LRRIQ3: variants seen among roughly 807,000 people sequenced by gnomAD.
LRRIQ3 encodes the protein leucine rich repeats and IQ motif containing 3.
LRRIQ3 carries 75 observed loss-of-function variants against 59.3 expected under a neutral mutation model. That is an observed-to-expected ratio of 1.26 (90% confidence interval 1.05 to 1.53). The LOEUF (loss-of-function observed/expected upper bound fraction) is 1.53. Among genes scored for constraint, LRRIQ3 ranks in the 40% most tolerant of loss-of-function variants. The pLI, the probability that LRRIQ3 is intolerant of heterozygous loss-of-function variation, is 0.00. For synonymous variants in LRRIQ3, 250 were observed against 231.3 expected, an observed-to-expected ratio of 1.08 and a Z score of -0.73; for missense variants, 831 against 710.0, an observed-to-expected ratio of 1.17 and a Z score of -1.94.
chr1:74,196,936 C>T (rs959745386), intron 1 of LRRIQ3, among the ~76,000 whole-genome samples: 1 of 152,142 alleles, frequency 6.6e-6, no homozygotes, highest in African/African-American at 2.4e-5. Flanking sequence ...ACTTCAAAAC[C>T]CTGCAATGGC....
At chr1:74,092,625 T>C (rs1277956861) in intron 5 of LRRIQ3, among the ~76,000 whole-genome samples, 1 of 152,044 alleles carries the variant, frequency 6.6e-6, no homozygotes, top group Non-Finnish European at 1.5e-5. Flanking sequence ...CTTGTAGCTT[T>C]TATTTAAGTC....
intron 4 of LRRIQ3, among the ~76,000 whole-genome samples, chr1:74,126,480 G>T (rs1468576682): frequency 6.6e-6 from 1 of 151,598 alleles, no homozygotes; most frequent in Non-Finnish European, 1.5e-5. Context: ...TCTGATATTG[G>T]TGCTTATAGC....
At chr1:74,174,005 C>T (rs1649485851) in intron 3 of LRRIQ3, among the ~76,000 whole-genome samples, 1 of 152,070 alleles carries the variant, frequency 6.6e-6, no homozygotes, top group African/African-American at 2.4e-5. Flanking sequence ...AAATTTCTTT[C>T]ATTTCTATCT....
chr1:74,119,288 A>T (rs1182804042), intron 4 of LRRIQ3, among the ~76,000 whole-genome samples: 1 of 152,066 alleles, frequency 6.6e-6, no homozygotes, highest in Non-Finnish European at 1.5e-5. Flanking sequence ...CATACTCTTG[A>T]ATATTAATGA....
intron 4 of LRRIQ3, among the ~76,000 whole-genome samples, chr1:74,121,166 G>T (rs548085704): frequency 6.6e-6 from 1 of 152,184 alleles, no homozygotes; most frequent in Admixed American, 6.6e-5. Context: ...TAGTGTCTTT[G>T]TCAATGTTCA....
chr1:74,154,221 A>C (rs1648166695), intron 4 of LRRIQ3, among the ~76,000 whole-genome samples: 1 of 128,590 alleles, frequency 7.8e-6, no homozygotes, highest in Admixed American at 9.8e-5. Flanking sequence ...AGCCTGGGCG[A>C]CAGAGCGAGA....
chr1:74,067,818 T>C (rs1028691059), intron 6 of LRRIQ3, among the ~76,000 whole-genome samples: 1 of 152,142 alleles, frequency 6.6e-6, no homozygotes, highest in Non-Finnish European at 1.5e-5. Flanking sequence ...AAAGACTTGT[T>C]AAATTTATTG....
chr1:74,066,517 A>G (rs1654871437), intron 6 of LRRIQ3, among the ~76,000 whole-genome samples: 1 of 134,414 alleles, frequency 7.4e-6, no homozygotes, highest in Non-Finnish European at 1.7e-5. Flanking sequence ...GTCTAATAAC[A>G]ACAATAACAG....
At position 74,109,525 on chromosome 1, in the gene LRRIQ3, G is replaced by A; in HGVS notation, c.736C>T (p.Gln246Ter). The change falls in exon 5 of 8, where the codon CAG becomes TAG. Residue 246 changes from glutamine (Q) to a stop codon, truncating the protein, a stop_gained. Coordinates refer to ENST00000354431, the MANE Select transcript of LRRIQ3 (RefSeq NM_001105659.2). LOFTEE classifies it high-confidence loss of function. ...SPVFFHKKKQ[Q>*]EKIIRGYEAK... The stretch of plus-strand genomic sequence containing the variant: ...TCATATCCTCTAATAATTTTTTCCT[G>A]CTGTTTTTTTTTGTGGAAAAACACA... 6.4e-7 allele frequency: 1 copy of A among 1,560,320 alleles called. No homozygotes were observed. The highest frequency in any genetic ancestry group is 8.6e-7 in the Non-Finnish European group (1 of 1,160,040).
intron 4 of LRRIQ3, among the ~76,000 whole-genome samples, chr1:74,126,319 C>A (rs968925918): frequency 6.6e-6 from 1 of 151,460 alleles, no homozygotes; most frequent in African/African-American, 2.4e-5. Context: ...TTTCATTGGT[C>A]TTTTGTATTA....
intron 3 of LRRIQ3, chr1:74,180,642 C>A: frequency 7.3e-7 from 1 of 1,373,638 alleles, no homozygotes; most frequent in South Asian, 1.4e-5. Context: ...GTGAAAAGTA[C>A]ACTCAAATCT....
chr1:74,124,812 T>C (rs1206895565), intron 4 of LRRIQ3, among the ~76,000 whole-genome samples: 1 of 152,010 alleles, frequency 6.6e-6, no homozygotes, highest in South Asian at 2.1e-4. Context: ...TGTTTTGTTC[T>C]TCTTGGTCAA....
intron 6 of LRRIQ3, among the ~76,000 whole-genome samples, chr1:74,054,787 TACAC>T (rs1416151512): frequency 6.8e-6 from 1 of 147,364 alleles, no homozygotes; most frequent in African/African-American, 2.5e-5. Flanking sequence ...TACATATAAA[TACAC>T]ACATACATAC....
chr1:74,094,608 C>T (rs1400070773), intron 5 of LRRIQ3, among the ~76,000 whole-genome samples: 1 of 151,984 alleles, frequency 6.6e-6, no homozygotes, highest in Non-Finnish European at 1.5e-5. Flanking sequence ...TGAATTTATC[C>T]CATTTTAAGC....
At chr1:74,096,960 TGGGGGATG>T (rs1216617081) in intron 5 of LRRIQ3, among the ~76,000 whole-genome samples, 1 of 152,070 alleles carries the variant, frequency 6.6e-6, no homozygotes, top group Non-Finnish European at 1.5e-5. Flanking sequence ...CTCCCCCTAC[TGGGGGATG>T]CCTCCCAGTT....
At chr1:74,047,083 T>C (rs7554250) in intron 6 of LRRIQ3, among the ~76,000 whole-genome samples, 129,195 of 152,106 alleles carry the variant, frequency 0.85, 55,764 homozygotes, top group East Asian at 0.97. Context: ...CCAGCAATCC[T>C]ATTACTAGGT....
intron 7 of LRRIQ3, among the ~76,000 whole-genome samples, chr1:74,028,711 A>AT (rs573894270): frequency 1.3e-5 from 2 of 151,616 alleles, no homozygotes; most frequent in African/African-American, 4.8e-5. Context: ...TCTCTGTATT[A>AT]TTTTTTTTCA....
At chr1:74,072,886 T>A (rs1359732089) in intron 6 of LRRIQ3, among the ~76,000 whole-genome samples, 1 of 152,150 alleles carries the variant, frequency 6.6e-6, no homozygotes, top group Non-Finnish European at 1.5e-5. Flanking sequence ...TCTTTTATAA[T>A]TCATACATAT....
intron 2 of LRRIQ3, chr1:74,183,228 C>T (rs564791514): frequency 5.1e-5 from 19 of 373,156 alleles, no homozygotes; most frequent in African/African-American, 4.0e-4. Context: ...TGAAACATAC[C>T]AGATTACACA....
Sources: gnomAD v4.1 joint callset for allele counts (sites outside exome capture counted in the v4.1 genomes callset) on GRCh38, gnomAD v4.1.1 for gene constraint, MANE v1.5 for transcripts, NCBI Gene and HGNC (gene_info 2026-07-23, HGNC 2026-07-21) for gene names.